VPS8: variants seen among roughly 807,000 people sequenced by gnomAD.
VPS8 encodes VPS8 subunit of CORVET complex.
Under a neutral mutation model 216.4 loss-of-function variants are expected in VPS8, and 129 were observed. That is an observed-to-expected ratio of 0.60 (90% CI 0.52 to 0.69). The LOEUF (loss-of-function observed/expected upper bound fraction) is 0.69, where lower values mean the gene tolerates loss of function less well. VPS8 is among the 30% of genes least tolerant of loss of function. The probability of loss-of-function intolerance (pLI) is 0.00; values close to 1 mark genes in which losing one functional copy is unlikely to be tolerated. For missense variants in VPS8, 1,531 were observed against 1,683.5 expected (o/e 0.91, Z 1.59); for synonymous variants, 571 against 565.4 (o/e 1.01, Z -0.14).
intron 25 of VPS8, among the ~76,000 whole-genome samples, chr3:184,907,381 C>T (rs1735685888): frequency 6.6e-6 from 1 of 152,226 alleles, no homozygotes; most frequent in South Asian, 2.1e-4. Flanking sequence ...CCTTTGTCCA[C>T]AAGGAATTTC....
chr3:184,992,890 C>G (rs1176918110), intron 42 of VPS8, among the ~76,000 whole-genome samples: 7 of 152,000 alleles, frequency 4.6e-5, no homozygotes, highest in Non-Finnish European at 1.0e-4. Context: ...TGAAAATGCC[C>G]TTTGAGTCTA....
At chr3:185,027,900 A>C (rs1031496992) in intron 46 of VPS8, among the ~76,000 whole-genome samples, 2 of 152,140 alleles carry the variant, frequency 1.3e-5, no homozygotes, top group African/African-American at 4.8e-5. Flanking sequence ...TTTATGCAAA[A>C]CTTGGGACTA....
At chr3:184,839,028 GCTT>G (rs1721628025) in intron 6 of VPS8, 1 of 297,944 alleles carries the variant, frequency 3.4e-6, no homozygotes, top group African/African-American at 2.2e-5. Flanking sequence ...AAGTAAATTT[GCTT>G]CTTCTGTGAT....
chr3:184,919,864 T>G (rs1202792152), intron 28 of VPS8, among the ~76,000 whole-genome samples: 1 of 152,190 alleles, frequency 6.6e-6, no homozygotes, highest in Non-Finnish European at 1.5e-5. Flanking sequence ...TTTTTGCTTA[T>G]GGACTTTGCC....
At chr3:184,867,010 G>A in intron 17 of VPS8, 60 bp downstream of exon 17, 1 of 1,510,496 alleles carries the variant, frequency 6.6e-7, no homozygotes, top group Non-Finnish European at 9.1e-7. Context: ...GAGGCTGAAG[G>A]AGATTGCTGG....
At chr3:184,876,205 TTC>T (rs1729246110) in intron 21 of VPS8, among the ~76,000 whole-genome samples, 2 of 152,184 alleles carry the variant, frequency 1.3e-5, no homozygotes, top group African/African-American at 4.8e-5. Flanking sequence ...TGCTTATTGA[TTC>T]TCTTTGTTTA....
intron 16 of VPS8, 93 bp downstream of exon 16, chr3:184,863,160 G>A (rs1726685816): frequency 2.7e-6 from 4 of 1,468,886 alleles, no homozygotes; most frequent in Non-Finnish European, 2.8e-6. Flanking sequence ...ACTCTGGGGA[G>A]TTACCTTTTT....
intron 40 of VPS8, among the ~76,000 whole-genome samples, chr3:184,972,973 C>T (rs544346606): frequency 6.6e-6 from 1 of 152,272 alleles, no homozygotes; most frequent in South Asian, 2.1e-4. Flanking sequence ...AACAATAAAT[C>T]ATGGCATATT....
intron 7 of VPS8, among the ~76,000 whole-genome samples, chr3:184,842,372 A>G (rs2108607768): frequency 6.7e-6 from 1 of 149,300 alleles, no homozygotes; most frequent in Non-Finnish European, 1.5e-5. Flanking sequence ...TTTTTTTTAG[A>G]CCCCAGTAGC....
chr3:185,042,329 G>A (rs913536368), intron 46 of VPS8, among the ~76,000 whole-genome samples: 21 of 152,158 alleles, frequency 1.4e-4, no homozygotes, highest in African/African-American at 4.6e-4. Flanking sequence ...GCAGATCCCC[G>A]GAGTATCCCT....
chr3:184,871,825 A>G (rs1451253675), intron 21 of VPS8, among the ~76,000 whole-genome samples: 3 of 152,174 alleles, frequency 2.0e-5, no homozygotes, highest in Non-Finnish European at 4.4e-5. Context: ...ATCTTTTCAT[A>G]TTCTATTTGA....
At chr3:184,999,505 A>G (rs143783294) in intron 44 of VPS8, among the ~76,000 whole-genome samples, 191 bp from the exon 45 acceptor site, 53 of 152,360 alleles carry the variant, frequency 3.5e-4, no homozygotes, top group African/African-American at 1.2e-3. Flanking sequence ...ATACAAATAT[A>G]TGTATGAATG....
At position 184,924,922 on chromosome 3, in the gene VPS8, G is replaced by C; in HGVS notation, c.2515G>C (p.Ala839Pro). 6.2e-7 allele frequency: 1 copy of C among 1,613,082 alleles called. No homozygotes were observed. The change falls in exon 30 of 48, where the codon GCT becomes CCT. Residue 839 changes from alanine (A) to proline (P), a missense_variant. Ala to Pro is a conservative substitution (Grantham distance 27, BLOSUM62 -1). This residue lies in a region of VPS8 where 1,318 missense variants were observed against 1,468.4 expected (regional missense o/e 0.90). Transcript: ENST00000625842. ...SQVGCLFTFL[A>P]RQLAKPDNTL... ...AGTAGGATGTCTCTTTACCTTCCTTGCTCGGCAGCTTGCAAAGCCTGACAA... is the reference window on the plus strand; with the variant it reads ...AGTAGGATGTCTCTTTACCTTCCTTCCTCGGCAGCTTGCAAAGCCTGACAA...
rs776960813 is a variant in VPS8, at chr3:184,898,590, G to A, written c.2030G>A (p.Arg677His). The A allele has an allele frequency of 2.3e-5, 35 of 1,554,140 alleles. No homozygotes were observed. The highest frequency in any genetic ancestry group is 1.2e-4 in the East Asian group (5 of 41,522). The change falls in exon 24 of 48, where the codon CGT (arginine) becomes CAT (histidine). Residue 677 changes from arginine (R) to histidine (H), a missense_variant. Around this residue, in one of 3 missense-constraint regions of VPS8, gnomAD observed 1,318 missense variants for 1,468.4 expected, o/e 0.90. Transcript: ENST00000625842. ...GTAGTTCTCATGTGTTGGGAAAATC[G>A]TTTATATGATGCTATGATCTATGTC... ...QQVVLMCWEN[R>H]LYDAMIYVYN...
rs112771902 is a variant in VPS8, at chr3:184,862,876, T to C, written c.1225-21T>C. On this transcript the variant is annotated intron_variant, in intron 15 of 47. Transcript: ENST00000625842. ...AGCGGGTGTGGTCTCACTTTTGTTT[T>C]GTTGTGTGCTTGAATTACAGTGGAT... 7.9e-4 allele frequency: 1,271 copies of C among 1,601,046 alleles called. 8 individuals are homozygous for C. In the African/African-American group the frequency reaches 0.014, roughly 18 times the overall value.
chr3:185,048,377 G>C, intron 46 of VPS8, 102 bp from the exon 47 acceptor site: 3 of 1,134,580 alleles, frequency 2.6e-6, no homozygotes, highest in South Asian at 1.3e-5. Context: ...GTTTTCAGGA[G>C]AATGAAGGAA....
chr3:184,874,562 G>A (rs957355638), intron 21 of VPS8, among the ~76,000 whole-genome samples: 2 of 152,172 alleles, frequency 1.3e-5, no homozygotes, highest in Non-Finnish European at 2.9e-5. Flanking sequence ...AGATTCATTA[G>A]ATTGAAATAA....
At chr3:184,884,295 T>A (rs1730808266) in intron 21 of VPS8, among the ~76,000 whole-genome samples, 1 of 152,128 alleles carries the variant, frequency 6.6e-6, no homozygotes. Flanking sequence ...ATTGTTCAGT[T>A]CCCACCTATG....
chr3:184,875,466 CAT>C, intron 21 of VPS8, among the ~76,000 whole-genome samples: 1 of 152,112 alleles, frequency 6.6e-6, no homozygotes, highest in Non-Finnish European at 1.5e-5. Context: ...TTATTTGTAT[CAT>C]AATTATTATG....
Sources: gnomAD v4.1 joint callset for allele counts (sites outside exome capture counted in the v4.1 genomes callset) on GRCh38, gnomAD v4.1.1 for gene constraint, gnomAD v4.1.1 regional missense constraint, MANE v1.5 for transcripts, NCBI Gene and HGNC (gene_info 2026-07-23, HGNC 2026-07-21) for gene names.